The following SRL variants were observed in gnomAD, a reference collection of about 807,000 sequenced individuals.
SRL encodes sarcalumenin.
SRL carries 23 observed loss-of-function variants against 39.5 expected under a neutral mutation model. That is an observed-to-expected ratio of 0.58 (90% confidence interval 0.42 to 0.82). SRL has a LOEUF of 0.82. Among genes scored for constraint, SRL ranks in the 40% least tolerant of loss-of-function variants. The pLI is 0.00. For missense variants in SRL, 592 were observed against 607.8 expected (o/e 0.97, Z 0.27); for synonymous variants, 272 against 237.4 (o/e 1.15, Z -1.34).
At chr16:4,212,097 C>T (rs2052400855) in intron 1 of SRL, among the ~76,000 whole-genome samples, 1 of 152,144 alleles carries the variant, frequency 6.6e-6, no homozygotes, top group African/African-American at 2.4e-5. Context: ...GTTTCCACTC[C>T]TGCGCCCTGG....
Position 4,220,836 on chromosome 16 carries a change from A to C in SRL, c.62-16202T>G, listed in dbSNP as rs935483300. ...GGACCCCGAATATACTTAAAAAAAA[A>C]TTAGCTGGGCCTCGCGGTATGCTCC... On this transcript the variant is annotated intron_variant, in intron 1 of 5. Coordinates refer to ENST00000399609, the MANE Select transcript of SRL (RefSeq NM_001098814.2). Among the ~76,000 whole-genome samples the C allele has an allele frequency of 2.0e-5, 3 of 150,978 alleles. No homozygotes were observed. In the East Asian group the frequency reaches 5.9e-4, roughly 30 times the overall value.
chr16:4,225,536 A>T (rs1164908734), intron 1 of SRL, among the ~76,000 whole-genome samples: 1 of 152,142 alleles, frequency 6.6e-6, no homozygotes, highest in Non-Finnish European at 1.5e-5. Context: ...GTGAGCCCTG[A>T]TTGTACCAGT....
chr16:4,233,404 G>A (rs544765922), intron 1 of SRL, among the ~76,000 whole-genome samples: 119 of 152,236 alleles, frequency 7.8e-4, no homozygotes, highest in African/African-American at 2.7e-3. Context: ...GATGAAATAC[G>A]GGCAAATTAA....
At chr16:4,221,360 T>C (rs970503781) in intron 1 of SRL, among the ~76,000 whole-genome samples, 3 of 152,234 alleles carry the variant, frequency 2.0e-5, no homozygotes, top group Non-Finnish European at 4.4e-5. Context: ...TCCGTTCTTT[T>C]CTTTTCCCTT....
chr16:4,204,582 G>A lies in SRL; in HGVS notation c.114C>T (p.Ile38=), dbSNP rs201728702. 78 of 1,614,190 alleles carry A rather than the reference G, an allele frequency of 4.8e-5. No homozygotes were observed. The highest frequency in any genetic ancestry group is 3.3e-4 in the Middle Eastern group (2 of 6,062). ...CCTCATTCAGCATGAGGGTCTTCTC[G>A]ATGTGGGAGCGGTCCCTCAATGGGG... is the stretch of plus-strand genomic sequence containing the variant. ...EEAPLRDRSH[I]EKTLMLNEDK... The change falls in exon 2 of 6, where the codon ATC becomes ATT. Residue 38 remains isoleucine (I), a synonymous_variant. Transcript: ENST00000399609.
chr16:4,241,448 C>T (rs772382849), intron 1 of SRL, among the ~76,000 whole-genome samples: 11 of 152,202 alleles, frequency 7.2e-5, no homozygotes, highest in Non-Finnish European at 1.5e-4. Context: ...GAATTGCATC[C>T]AATGCTGTTT....
intron 1 of SRL, among the ~76,000 whole-genome samples, chr16:4,238,568 G>GA (rs1291850249): frequency 1.3e-5 from 2 of 151,546 alleles, no homozygotes; most frequent in Admixed American, 6.6e-5. Flanking sequence ...CTGGATGTAG[G>GA]AAAAAACCAG....
intron 1 of SRL, among the ~76,000 whole-genome samples, chr16:4,205,376 C>T (rs2052305572): frequency 6.6e-6 from 1 of 152,100 alleles, no homozygotes; most frequent in South Asian, 2.1e-4. Flanking sequence ...TGCCTTTTGG[C>T]TTGAACCCCA....
At position 4,189,899 on chromosome 16, in the gene SRL, G is replaced by A. The variant is rs372105610; in HGVS notation, c.*2254C>T. 105 of 180,168 alleles carry A rather than the reference G, an allele frequency of 5.8e-4. 1 individual carries two copies. In the Middle Eastern group the frequency reaches 0.011, roughly 19 times the overall value. 11.2% of individuals were successfully genotyped at this position (180,168 alleles called of 1,614,324 possible). ...AGCTCACAGCATGGAGGAGCAGGCA[G>A]GGGAAAGTGGGAGGGCCCATCCCCC... On this transcript the variant is annotated 3_prime_UTR_variant, in exon 6 of 6. Coordinates refer to ENST00000399609, the MANE Select transcript of SRL (RefSeq NM_001098814.2).
At chr16:4,225,552 C>G (rs1482133056) in intron 1 of SRL, among the ~76,000 whole-genome samples, 1 of 152,190 alleles carries the variant, frequency 6.6e-6, no homozygotes, top group Non-Finnish European at 1.5e-5. Flanking sequence ...CCAGTGCACT[C>G]CAGCCGGGGT....
chr16:4,190,165 C>G lies in SRL; in HGVS notation c.*1988G>C. 2.5e-6 allele frequency: 1 copy of G among 397,902 alleles called. No homozygotes were observed. Among genetic ancestry groups the G allele is most frequent in the Non-Finnish European group, 4.4e-6 (1 of 226,084 alleles). The allele number at this position is 397,902 out of a possible 1,614,324, so 24.6% of individuals were successfully genotyped here. A position where few individuals can be genotyped will look rare whatever the true frequency, so the allele number is the denominator to read the frequency against. On this transcript the variant is annotated 3_prime_UTR_variant, in exon 6 of 6. Coordinates refer to ENST00000399609, the MANE Select transcript of SRL (RefSeq NM_001098814.2). ...TCCAGGCCCTCCACAAAGCCAAACG[C>G]AACGGCCCCTGTGACAGCATGCACC... is the stretch of plus-strand genomic sequence containing the variant.
intron 1 of SRL, among the ~76,000 whole-genome samples, chr16:4,227,337 A>G (rs2052604825): frequency 6.6e-6 from 1 of 151,368 alleles, no homozygotes; most frequent in South Asian, 2.1e-4. Flanking sequence ...AGATGGGTGG[A>G]TGGACAGACA....
At chr16:4,199,637 CTTCTA>C (rs2052195634) in intron 3 of SRL, among the ~76,000 whole-genome samples, 1 of 149,902 alleles carries the variant, frequency 6.7e-6, no homozygotes, top group Non-Finnish European at 1.5e-5. Context: ...TCCCAAAGTG[CTTCTA>C]TTGCAGGCAT....
rs374109884 is a variant in SRL at position 4,208,399 on chromosome 16, G to A, written c.62-3765C>T. On this transcript the variant is annotated intron_variant, in intron 1 of 5. Coordinates refer to ENST00000399609, the MANE Select transcript of SRL (RefSeq NM_001098814.2). ...CTAACCCGAGAACCGCCCCCGCACCGCGACCCTGGCCCTGACCTTCAAGCT... is the reference window on the plus strand; with the variant it reads ...CTAACCCGAGAACCGCCCCCGCACCACGACCCTGGCCCTGACCTTCAAGCT... Among the ~76,000 whole-genome samples the A allele has an allele frequency of 1.5e-4, 23 of 152,202 alleles. No homozygotes were observed. In the East Asian group the frequency reaches 2.9e-3, roughly 19 times the overall value.
intron 1 of SRL, among the ~76,000 whole-genome samples, chr16:4,225,816 C>T (rs1344802763): frequency 1.3e-5 from 2 of 152,070 alleles, no homozygotes; most frequent in Middle Eastern, 3.4e-3. Context: ...ACCCCCACTC[C>T]ACACACTCCC....
intron 1 of SRL, among the ~76,000 whole-genome samples, chr16:4,211,779 CTATG>C (rs1567181659): frequency 2.0e-5 from 3 of 148,920 alleles, no homozygotes; most frequent in African/African-American, 5.0e-5. Context: ...ATGGTGGTGA[CTATG>C]CTGATGATGA....
At chr16:4,196,471 C>CTTTTT (rs35980213) in intron 4 of SRL, among the ~76,000 whole-genome samples, 1 of 123,742 alleles carries the variant, frequency 8.1e-6, no homozygotes, top group African/African-American at 3.1e-5. Context: ...ATTTTGCCTT[C>CTTTTT]TTTTTTTTTT....
chr16:4,204,401 C>T lies in SRL; in HGVS notation c.163+132G>A, dbSNP rs543862989. ...CTTCCCCAACGTCCCCTCCAGCCTC[C>T]AAGATAGATACAGCCCCGGCCTCCA... is the stretch of plus-strand genomic sequence containing the variant. On this transcript the variant is annotated intron_variant, in intron 2 of 5. Transcript: ENST00000399609. 54 of 794,606 alleles carry T rather than the reference C, an allele frequency of 6.8e-5. 2 individuals are homozygous for T. The Middle Eastern group carries it at 8.3e-4, about 12-fold the overall frequency. 49.2% of individuals were successfully genotyped at this position (794,606 alleles called of 1,614,324 possible). A position where few individuals can be genotyped will look rare whatever the true frequency, so the allele number is the denominator to read the frequency against.
intron 1 of SRL, among the ~76,000 whole-genome samples, chr16:4,215,575 T>G (rs1343638268): frequency 6.6e-6 from 1 of 152,130 alleles, no homozygotes; most frequent in Non-Finnish European, 1.5e-5. Context: ...GCAGTCTGCT[T>G]CTAGAACTCA....
Sources: allele counts gnomAD v4.1 joint callset (sites outside exome capture counted in the v4.1 genomes callset), GRCh38; gene constraint gnomAD v4.1.1; transcripts MANE v1.5; gene names NCBI Gene and HGNC (gene_info 2026-07-23, HGNC 2026-07-21).